The following PHACTR4 variants were observed in gnomAD, a reference collection of about 807,000 sequenced individuals.
PHACTR4 encodes protein phosphatase 1, regulatory subunit 124.
Under a neutral mutation model 72.7 loss-of-function variants are expected in PHACTR4, and 51 were observed. The ratio of observed to expected loss-of-function variants is 0.70; its 90% CI spans 0.56 to 0.89. The LOEUF is 0.89. Ranked by LOEUF, PHACTR4 falls within the 40% of genes least tolerant of loss-of-function variation. The pLI, the probability that PHACTR4 is intolerant of heterozygous loss-of-function variation, is 0.00. For missense variants in PHACTR4, 731 were observed against 861.8 expected, an observed-to-expected ratio of 0.85 and a Z score of 1.90; for synonymous variants, 255 against 302.5, an observed-to-expected ratio of 0.84 and a Z score of 1.63.
intron 1 of PHACTR4, among the ~76,000 whole-genome samples, chr1:28,374,588 A>C (rs1651497499): frequency 6.6e-6 from 1 of 151,396 alleles, no homozygotes; most frequent in South Asian, 2.1e-4. Context: ...ATTGCATTAT[A>C]ATGGGAAAGA....
chr1:28,400,730 C>T (rs995896625), intron 1 of PHACTR4, among the ~76,000 whole-genome samples: 2 of 152,082 alleles, frequency 1.3e-5, no homozygotes, highest in African/African-American at 4.8e-5. Flanking sequence ...CAGGCGCGCG[C>T]CACCACGCCC....
At chr1:28,442,173 A>G (rs181628954) in intron 2 of PHACTR4, among the ~76,000 whole-genome samples, 83 of 152,164 alleles carry the variant, frequency 5.5e-4, no homozygotes, top group African/African-American at 2.0e-3. Context: ...TATTTTTTAA[A>G]TGTATTTTTT....
intron 2 of PHACTR4, among the ~76,000 whole-genome samples, chr1:28,424,085 C>T (rs1655680231): frequency 6.6e-6 from 1 of 152,176 alleles, no homozygotes; most frequent in South Asian, 2.1e-4. Flanking sequence ...GAACAGAAAT[C>T]AGCTTTGAGT....
At chr1:28,433,357 C>G (rs149017988) in intron 2 of PHACTR4, among the ~76,000 whole-genome samples, 1,765 of 151,888 alleles carry the variant, frequency 0.012, 16 homozygotes, top group Non-Finnish European at 0.018. Flanking sequence ...AGAGTAAATA[C>G]TGATTGTTAG....
In PHACTR4 at chr1:28,460,250, G is replaced by C; in HGVS notation, c.229G>C (p.Glu77Gln). ...RKISMRKPRE[E>Q]LVKRGVLLED... The stretch of plus-strand genomic sequence containing the variant: ...AATATCTATGCGAAAGCCAAGAGAA[G>C]AGCTGGTTAAAAGAGGGGTTCTGTT... Residue 77 changes from glutamate to glutamine, a missense_variant, in exon 4 of 14, where the codon GAG becomes CAG. Transcript: ENST00000373839. The C allele has an allele frequency of 6.2e-7, 1 of 1,613,862 alleles. No homozygotes were observed. Among genetic ancestry groups the C allele is most frequent in the African/African-American group, 1.3e-5 (1 of 75,044 alleles).
intron 1 of PHACTR4, among the ~76,000 whole-genome samples, chr1:28,371,275 A>G (rs1278346035): frequency 1.3e-5 from 2 of 151,854 alleles, no homozygotes; most frequent in African/African-American, 4.8e-5. Context: ...ACTGTGCCCG[A>G]CTATTTAATT....
At chr1:28,484,644 C>T (rs1189593812) in intron 9 of PHACTR4, among the ~76,000 whole-genome samples, 1 of 150,858 alleles carries the variant, frequency 6.6e-6, no homozygotes, top group African/African-American at 2.4e-5. Flanking sequence ...CATATAAACT[C>T]TCTCTTTTTT....
chr1:28,440,464 C>A (rs1413255080), intron 2 of PHACTR4, among the ~76,000 whole-genome samples: 1 of 112,600 alleles, frequency 8.9e-6, no homozygotes, highest in Admixed American at 1.1e-4. Flanking sequence ...GGCTTGATCT[C>A]GGCTCACTGA....
At chr1:28,449,566 C>T (rs1005150210) in intron 2 of PHACTR4, among the ~76,000 whole-genome samples, 3 of 152,048 alleles carry the variant, frequency 2.0e-5, no homozygotes, top group African/African-American at 7.2e-5. Context: ...AAATCACAGC[C>T]AATGGCCCAG....
intron 1 of PHACTR4, among the ~76,000 whole-genome samples, chr1:28,397,429 G>A (rs996962129): frequency 2.6e-5 from 4 of 152,188 alleles, no homozygotes; most frequent in Non-Finnish European, 4.4e-5. Flanking sequence ...GATAATGCAA[G>A]TTCTCTTAAC....
chr1:28,435,698 A>G (rs185803940), intron 2 of PHACTR4, among the ~76,000 whole-genome samples: 31 of 152,362 alleles, frequency 2.0e-4, no homozygotes, highest in Non-Finnish European at 3.7e-4. Flanking sequence ...TCCAAAGCTC[A>G]TGCTCTTAAG....
intron 5 of PHACTR4, 56 bp downstream of exon 5, chr1:28,465,905 A>T: frequency 6.6e-7 from 1 of 1,517,924 alleles, no homozygotes; most frequent in Non-Finnish European, 8.9e-7. Flanking sequence ...TTCTCCTTAC[A>T]TAAGGGGTTT....
chr1:28,479,737 C>CA (rs146019030), intron 8 of PHACTR4, among the ~76,000 whole-genome samples: 15,713 of 150,564 alleles, frequency 0.1, 1,866 homozygotes, highest in African/African-American at 0.3. Flanking sequence ...ACTAAAAATA[C>CA]AAAAAATTAG....
intron 2 of PHACTR4, among the ~76,000 whole-genome samples, chr1:28,444,923 A>G (rs1049503119): frequency 7.0e-6 from 1 of 143,346 alleles, no homozygotes; most frequent in Non-Finnish European, 1.5e-5. Context: ...CACTGCGCCC[A>G]GCCTCCCATT....
intron 1 of PHACTR4, among the ~76,000 whole-genome samples, chr1:28,375,085 G>T (rs1285587199): frequency 1.3e-5 from 2 of 152,000 alleles, no homozygotes; most frequent in African/African-American, 4.8e-5. Flanking sequence ...GATCACTTGA[G>T]GCCAGGAGTT....
intron 2 of PHACTR4, among the ~76,000 whole-genome samples, chr1:28,433,824 C>T (rs1191645847): frequency 6.6e-6 from 1 of 151,686 alleles, no homozygotes. Flanking sequence ...CTCTGTCACC[C>T]AGGCTAGAGT....
chr1:28,458,385 C>T (rs78065449), intron 2 of PHACTR4, among the ~76,000 whole-genome samples: 12 of 152,020 alleles, frequency 7.9e-5, no homozygotes, highest in Non-Finnish European at 1.5e-4. Context: ...TGAGCTTAAG[C>T]GATCTGCCTG....
intron 1 of PHACTR4, among the ~76,000 whole-genome samples, chr1:28,395,628 T>C (rs1432056690): frequency 2.8e-5 from 4 of 145,230 alleles, no homozygotes. Context: ...CAAACTTTTC[T>C]TAAGCATAAC....
chr1:28,462,092 C>T (rs2124475002), intron 4 of PHACTR4, among the ~76,000 whole-genome samples: 1 of 152,010 alleles, frequency 6.6e-6, no homozygotes, highest in South Asian at 2.1e-4. Context: ...ACTGCAACCT[C>T]CATCTGCTGG....
Sources: allele counts gnomAD v4.1 joint callset (sites outside exome capture counted in the v4.1 genomes callset), GRCh38; gene constraint gnomAD v4.1.1; transcripts MANE v1.5; gene names NCBI Gene and HGNC (gene_info 2026-07-23, HGNC 2026-07-21).